The following STAT4 variants were observed in gnomAD, a reference collection of about 807,000 sequenced individuals.
The protein encoded by STAT4 is signal transducer and activator of transcription 4.
In STAT4, 42 loss-of-function variants were observed where a neutral mutation model predicts 110.5. That is an observed-to-expected ratio of 0.38 (90% CI 0.30 to 0.49). The LOEUF (loss-of-function observed/expected upper bound fraction) is 0.49. Ranked by LOEUF, STAT4 falls within the 20% of genes least tolerant of loss-of-function variation. STAT4 has a pLI of 0.95. For synonymous variants in STAT4, 284 were observed against 302.2 expected (o/e 0.94, Z 0.63); for missense variants, 632 against 887.9 (o/e 0.71, Z 3.66).
chr2:191,071,324 C>A (rs1697144618), intron 5 of STAT4, among the ~76,000 whole-genome samples: 1 of 152,146 alleles, frequency 6.6e-6, no homozygotes, highest in South Asian at 2.1e-4. Flanking sequence ...TAGCATTTTA[C>A]TTTGATGCTA....
intron 3 of STAT4, among the ~76,000 whole-genome samples, chr2:191,108,953 A>G (rs1335800584): frequency 6.6e-6 from 1 of 152,188 alleles, no homozygotes; most frequent in East Asian, 1.9e-4. Context: ...CCTTTTTTCC[A>G]CTTGGCAAAA....
chr2:191,115,548 A>C (rs573070023), intron 3 of STAT4, among the ~76,000 whole-genome samples: 4 of 152,212 alleles, frequency 2.6e-5, no homozygotes, highest in Non-Finnish European at 5.9e-5. Context: ...TACTGTTTTG[A>C]AAACATCTGC....
rs1698441690 is a variant in STAT4 at position 191,112,129 on chromosome 2, ATT to A, written c.273+34482_273+34483del. On this transcript the variant is annotated intron_variant, in intron 3 of 23. Transcript: ENST00000392320. The surrounding 1 kb of genome is among the most constrained non-coding windows in gnomAD (Gnocchi z 4.3). ...GATTGTACACTTTAAATATATATAT[ATT>A]GTATGTCATTATACCTCTGTAAGGT... Among the ~76,000 whole-genome samples, 1 of 152,162 alleles carries A rather than the reference ATT, an allele frequency of 6.6e-6. No individual in the cohort carries two copies. Among genetic ancestry groups the A allele is most frequent in the Non-Finnish European group, 1.5e-5 (1 of 68,034 alleles).
At chr2:191,129,387 A>C (rs1698969205) in intron 3 of STAT4, among the ~76,000 whole-genome samples, 1 of 152,060 alleles carries the variant, frequency 6.6e-6, no homozygotes, top group Non-Finnish European at 1.5e-5. Flanking sequence ...CCAGGAGTTC[A>C]AGTCCAGCCT....
In STAT4 at chr2:191,037,409, C is replaced by T. The variant is rs1696074729; in HGVS notation, c.1435-1110G>A. 6.6e-6 allele frequency among the ~76,000 whole-genome samples: 1 copy of T among 152,150 alleles called. No individual in the cohort carries two copies. The highest frequency in any genetic ancestry group is 1.5e-5 in the Non-Finnish European group (1 of 68,024). ...GTTCAAGAAACTCTCTTGCCTCAACCTCTCAAGTAGCTGAAACTACAGGTG... is the reference window on the plus strand; with the variant it reads ...GTTCAAGAAACTCTCTTGCCTCAACTTCTCAAGTAGCTGAAACTACAGGTG... On this transcript the variant is annotated intron_variant, in intron 16 of 23. Transcript: ENST00000392320. This position sits in a 1 kb window ranked among gnomAD's most constrained non-coding sequence, Gnocchi z 4.8.
At chr2:191,103,014 G>C (rs1374162836) in intron 3 of STAT4, among the ~76,000 whole-genome samples, 1 of 152,012 alleles carries the variant, frequency 6.6e-6, no homozygotes, top group Non-Finnish European at 1.5e-5. Flanking sequence ...TCTCACCATA[G>C]AATCCTTTCC....
chr2:191,077,171 TA>T lies in STAT4; in HGVS notation c.274-847del, dbSNP rs563253676. ...ACCAAGGTTAATGATGCAGATACTG[TA>T]AATTGGCAGCCTGTGGGCCTAATTC... On this transcript the variant is annotated intron_variant, in intron 3 of 23. Coordinates refer to ENST00000392320, the MANE Select transcript of STAT4 (RefSeq NM_003151.4). The surrounding 1 kb of genome is among the most constrained non-coding windows in gnomAD (Gnocchi z 4.1). Among the ~76,000 whole-genome samples the T allele has an allele frequency of 4.0e-3, 616 of 152,344 alleles. 2 individuals are homozygous for T. Among genetic ancestry groups the T allele is most frequent in the Non-Finnish European group, 6.1e-3 (417 of 68,034 alleles).
In STAT4 at chr2:191,110,253, A is replaced by C. The variant is rs112502300; in HGVS notation, c.274-33928T>G. On this transcript the variant is annotated intron_variant, in intron 3 of 23. Coordinates refer to ENST00000392320, the MANE Select transcript of STAT4 (RefSeq NM_003151.4). The surrounding 1 kb of genome is among the most constrained non-coding windows in gnomAD (Gnocchi z 4.5). The stretch of plus-strand genomic sequence containing the variant: ...GTCTTCTTCAGGCCTTTATTCAACA[A>C]TATTCAGGTTTCAGCTATGTGTCTG... Among the ~76,000 whole-genome samples the C allele has an allele frequency of 2.0e-5, 3 of 152,272 alleles. No individual in the cohort carries two copies. The highest frequency in any genetic ancestry group is 7.2e-5 in the African/African-American group (3 of 41,570).
At chr2:191,076,114 A>G (rs1229946323) in intron 4 of STAT4, 113 bp downstream of exon 4, 1 of 837,184 alleles carries the variant, frequency 1.2e-6, no homozygotes, top group African/African-American at 1.7e-5. Context: ...TTTGCCTCCC[A>G]AAGTGTTAGG....
chr2:191,051,359 A>G lies in STAT4; in HGVS notation c.1251+3131T>C, dbSNP rs1049259026. ...GCCATCACCAACATCTACACAGCCC[A>G]CCACCACTGACTCACACACAGCTCA... On this transcript the variant is annotated intron_variant, in intron 14 of 23. Coordinates refer to ENST00000392320, the MANE Select transcript of STAT4 (RefSeq NM_003151.4). The surrounding 1 kb of genome is among the most constrained non-coding windows in gnomAD (Gnocchi z 5.6). 3.9e-5 allele frequency among the ~76,000 whole-genome samples: 6 copies of G among 152,232 alleles called. No homozygotes were observed. Among genetic ancestry groups the G allele is most frequent in the African/African-American group, 1.4e-4 (6 of 41,456 alleles).
Position 191,066,422 on chromosome 2 carries a change from T to C in STAT4, c.630+8A>G. On this transcript the variant is annotated splice_region_variant and intron_variant, in intron 7 of 23. Transcript: ENST00000392320. This position sits in a 1 kb window ranked among gnomAD's most constrained non-coding sequence, Gnocchi z 4.3. Reference sequence around the variant, plus strand: ...AGGCAAAAGCCCAAATTAAAATTCTTCACTAACCTTTCTCTTGAAATCGAG... The same window carrying C: ...AGGCAAAAGCCCAAATTAAAATTCTCCACTAACCTTTCTCTTGAAATCGAG... 3.1e-6 allele frequency: 5 copies of C among 1,612,112 alleles called. No individual in the cohort carries two copies. Among genetic ancestry groups the C allele is most frequent in the Non-Finnish European group, 3.4e-6 (4 of 1,178,602 alleles).
rs1330692955 is a variant in STAT4, at chr2:191,110,480, G to A, written c.274-34155C>T. On this transcript the variant is annotated intron_variant, in intron 3 of 23. Coordinates refer to ENST00000392320, the MANE Select transcript of STAT4 (RefSeq NM_003151.4). The surrounding 1 kb of genome is among the most constrained non-coding windows in gnomAD (Gnocchi z 4.5). ...ATTCCTATTTTACGGGCAGGGCAAC[G>A]GGCTGAGGGAAGCCAGACTTTAGCC... Among the ~76,000 whole-genome samples, 1 of 152,122 alleles carries A rather than the reference G, an allele frequency of 6.6e-6. No individual in the cohort carries two copies. The highest frequency in any genetic ancestry group is 6.6e-5 in the Admixed American group (1 of 15,260).
intron 3 of STAT4, among the ~76,000 whole-genome samples, chr2:191,078,802 A>G (rs918842469): frequency 6.6e-6 from 1 of 152,122 alleles, no homozygotes; most frequent in African/African-American, 2.4e-5. Flanking sequence ...TCTAGTGTCA[A>G]TGAAGAGGTT....
intron 3 of STAT4, among the ~76,000 whole-genome samples, chr2:191,109,045 A>T (rs1308606277): frequency 6.6e-6 from 1 of 152,244 alleles, no homozygotes; most frequent in Non-Finnish European, 1.5e-5. Context: ...GCACTTGCCA[A>T]CTATCTGAAT....
intron 3 of STAT4, among the ~76,000 whole-genome samples, chr2:191,134,545 A>G (rs750380681): frequency 2.6e-5 from 4 of 152,134 alleles, no homozygotes; most frequent in Non-Finnish European, 4.4e-5. Flanking sequence ...CCACTAACAA[A>G]TGCACCCTAA....
Position 191,031,035 on chromosome 2 carries a change from G to A in STAT4, c.2157C>T (p.Pro719=). 6.2e-7 allele frequency: 1 copy of A among 1,613,984 alleles called. No homozygotes were observed. Among genetic ancestry groups the A allele is most frequent in the East Asian group, 2.2e-5 (1 of 44,876 alleles). Residue 719 remains proline (P), a synonymous_variant, in exon 23 of 24, where the codon CCC becomes CCT. Transcript: ENST00000392320. The surrounding 1 kb of genome is among the most constrained non-coding windows in gnomAD (Gnocchi z 4.8). The part of the protein sequence containing the change: ...TEPHSPSDLL[P]MSPSVYAVLR... ...ACACCGCATACACACTTGGAGACAT[G>A]GGAAGAAGGTCTGATGGAGAATGTG...
chr2:191,041,716 T>C (rs1255739206), intron 14 of STAT4: 1 of 151,028 alleles, frequency 6.6e-6, no homozygotes, highest in East Asian at 1.9e-4. Flanking sequence ...GAGTGTAGAG[T>C]AAGGGTAGAA....
rs1698447286 is a variant in STAT4 at position 191,112,351 on chromosome 2, T to A, written c.273+34262A>T. On this transcript the variant is annotated intron_variant, in intron 3 of 23. Transcript: ENST00000392320. The surrounding 1 kb of genome is among the most constrained non-coding windows in gnomAD (Gnocchi z 4.3). ...ACCTTTCCAAGCCTCAGTTCCCTCA[T>A]CTGTAAAATGGAAGAAATAACATTA... 6.6e-6 allele frequency among the ~76,000 whole-genome samples: 1 copy of A among 152,268 alleles called. No homozygotes were observed. The highest frequency in any genetic ancestry group is 2.1e-4 in the South Asian group (1 of 4,822).
chr2:191,047,543 G>A (rs773238876), intron 14 of STAT4, among the ~76,000 whole-genome samples: 5 of 152,276 alleles, frequency 3.3e-5, no homozygotes, highest in South Asian at 2.1e-4. Flanking sequence ...GGTTGTTAGT[G>A]GAGAGAAATC....
Sources: gnomAD v4.1 joint callset for allele counts (sites outside exome capture counted in the v4.1 genomes callset) on GRCh38, gnomAD v4.1.1 for gene constraint, Gnocchi (gnomAD v3.1) non-coding constraint, MANE v1.5 for transcripts, NCBI Gene and HGNC (gene_info 2026-07-23, HGNC 2026-07-21) for gene names.